The following MEF2B variants were observed in gnomAD, a reference collection of about 807,000 sequenced individuals.
MEF2B encodes the protein myocyte-specific enhancer factor 2B.
A neutral mutation model predicts 32.2 loss-of-function variants in MEF2B; 15 were observed. The observed-to-expected ratio is 0.47, with a 90% CI of 0.31 to 0.72. The LOEUF (loss-of-function observed/expected upper bound fraction) is 0.72. Among genes scored for constraint, MEF2B ranks in the 30% least tolerant of loss-of-function variants. MEF2B has a pLI of 0.05. For missense variants in MEF2B, 441 were observed against 511.5 expected, an observed-to-expected ratio of 0.86 and a Z score of 1.33; for synonymous variants, 205 against 225.6, an observed-to-expected ratio of 0.91 and a Z score of 0.82.
chr19:19,147,842 C>A lies in MEF2B; in HGVS notation c.259-10G>T, dbSNP rs111440826. The A allele has an allele frequency of 8.1e-6, 13 of 1,611,982 alleles. No homozygotes were observed. The highest frequency in any genetic ancestry group is 6.7e-5 in the African/African-American group (5 of 75,054). On this transcript the variant is annotated splice_polypyrimidine_tract_variant and intron_variant, in intron 3 of 8. Transcript: ENST00000424583. ...CCCTCCGCTTCAGCGTCTATGGGGA[C>A]AGGAGACAACAGGGTAGACCCTTAC...
chr19:19,146,797 C>A lies in MEF2B; in HGVS notation c.620G>T (p.Arg207Leu). Residue 207 changes from arginine (R) to leucine (L), a missense_variant, in exon 6 of 9, where the codon CGG (arginine) becomes CTG (leucine). Physicochemically the swap from Arg to Leu is moderately radical, Grantham distance 102 (BLOSUM62 -2). Transcript: ENST00000424583. ...PPPLYLPTEGRRSDLPGGLAG... is the reference protein window; with the variant it reads ...PPPLYLPTEGLRSDLPGGLAG... Reference sequence around the variant, plus strand: ...CAGGCCACCAGGCAGGTCTGACCTCCGCCCTTCCGTCGGCAGGTACAGTGG... The same window carrying A: ...CAGGCCACCAGGCAGGTCTGACCTCAGCCCTTCCGTCGGCAGGTACAGTGG... 1 of 1,614,006 alleles carries A rather than the reference C, an allele frequency of 6.2e-7. No homozygotes were observed. The highest frequency in any genetic ancestry group is 1.7e-4 in the Middle Eastern group (1 of 6,052).
Position 19,150,180 on chromosome 19 carries a change from G to GA in MEF2B, c.54+501dup, listed in dbSNP as rs1239497806. Among the ~76,000 whole-genome samples, 535 of 110,342 alleles carry GA rather than the reference G, an allele frequency of 4.8e-3. 9 individuals are homozygous for GA. The highest frequency in any genetic ancestry group is 0.019 in the African/African-American group (505 of 26,760). 72.4% of individuals were successfully genotyped at this position (110,342 alleles called of 152,430 possible). A position where few individuals can be genotyped will look rare whatever the true frequency, so the allele number is the denominator to read the frequency against. On this transcript the variant is annotated intron_variant, in intron 2 of 8. Coordinates refer to ENST00000424583, the MANE Select transcript of MEF2B (RefSeq NM_001145785.2). The stretch of plus-strand genomic sequence containing the variant: ...GGAGGGAGGGAGGGAAGGAGGGAGG[G>GA]AGGGAAGGAAGGAAGGAAGGAAGGA...
rs539745270 is a variant in MEF2B at position 19,146,587 on chromosome 19, C to G, written c.737G>C (p.Gly246Ala). The change falls in exon 7 of 9, where the codon GGG becomes GCG. Residue 246 changes from glycine to alanine, a missense_variant. Physicochemically the swap from Gly to Ala is moderately conservative, Grantham distance 60. This residue lies in a region of MEF2B where 326 missense variants were observed against 328.4 expected (regional missense o/e 0.99). Transcript: ENST00000424583. ...GCCTCCGGGGAGGAAGGGGAAGCTC[C>G]CCAGTGGGGGTCCGGGAGTTGCAGT... The part of the protein sequence containing the change: ...CSTATPGPPL[G>A]SFPFLPGGPP... 6.3e-7 allele frequency: 1 copy of G among 1,599,676 alleles called. No homozygotes were observed. Among genetic ancestry groups the G allele is most frequent in the African/African-American group, 1.3e-5 (1 of 74,416 alleles).
Position 19,145,749 on chromosome 19 carries a change from C to T in MEF2B, c.*48G>A. On this transcript the variant is annotated 3_prime_UTR_variant, in exon 9 of 9. Coordinates refer to ENST00000424583, the MANE Select transcript of MEF2B (RefSeq NM_001145785.2). This position sits in a 1 kb window ranked among gnomAD's most constrained non-coding sequence, Gnocchi z 4.6. Reference sequence around the variant, plus strand: ...GAGGGAGGTGGGGTCCCCACGTGCCCTCGCCGTACCTGGCGAGCGCTCTGG... The same window carrying T: ...GAGGGAGGTGGGGTCCCCACGTGCCTTCGCCGTACCTGGCGAGCGCTCTGG... The T allele has an allele frequency of 6.4e-7, 1 of 1,557,316 alleles. No homozygotes were observed. Among genetic ancestry groups the T allele is most frequent in the Non-Finnish European group, 8.7e-7 (1 of 1,150,828 alleles).
chr19:19,160,725 G>A (rs939296156), intron 1 of MEF2B, among the ~76,000 whole-genome samples: 11 of 152,078 alleles, frequency 7.2e-5, no homozygotes, highest in Non-Finnish European at 1.0e-4. Flanking sequence ...CCCGCCTCAC[G>A]CAACCCAGGC....
At chr19:19,166,707 C>A (rs34799779) in intron 1 of MEF2B, among the ~76,000 whole-genome samples, 1 of 151,312 alleles carries the variant, frequency 6.6e-6, no homozygotes, top group African/African-American at 2.4e-5. Context: ...CACAGGGAGC[C>A]ATGACTGCAA....
rs1185796330 is a variant in MEF2B, at chr19:19,145,888, T to C, written c.1016A>G (p.Tyr339Cys). ...GPGDFPKTFP[Y>C]PLLLARSLAE... ...CAGGGACCGGGCGAGGAGCAAGGGA[T>C]AGGGGAAGGTCTTAGGAAAGTCGCC... The change falls in exon 9 of 9, where the codon TAT becomes TGT. Residue 339 changes from tyrosine to cysteine, a missense_variant. Tyr to Cys is a radical substitution (Grantham distance 194). Transcript: ENST00000424583. The surrounding 1 kb of genome is among the most constrained non-coding windows in gnomAD (Gnocchi z 4.6). 2 of 1,462,718 alleles carry C rather than the reference T, an allele frequency of 1.4e-6. No individual in the cohort carries two copies. Among genetic ancestry groups the C allele is most frequent in the East Asian group, 5.1e-5 (2 of 39,170 alleles). The allele number at this position is 1,462,718 out of a possible 1,614,324, so 90.6% of individuals were successfully genotyped here. A position where few individuals can be genotyped will look rare whatever the true frequency, so the allele number is the denominator to read the frequency against.
chr19:19,155,344 G>A (rs2060113039), intron 1 of MEF2B, among the ~76,000 whole-genome samples: 1 of 152,104 alleles, frequency 6.6e-6, no homozygotes, highest in Admixed American at 6.6e-5. Context: ...CATTCCTCTA[G>A]GAAGTCCTCC....
At chr19:19,168,697 G>A (rs1294041565) in intron 1 of MEF2B, among the ~76,000 whole-genome samples, 2 of 151,856 alleles carry the variant, frequency 1.3e-5, no homozygotes, top group African/African-American at 4.8e-5. Context: ...CGGATCAAGT[G>A]ATCCTCCTGC....
Position 19,147,023 on chromosome 19 carries a change from G to A in MEF2B, c.541+13C>T. 6.3e-7 allele frequency: 1 copy of A among 1,592,180 alleles called. No individual in the cohort carries two copies. Among genetic ancestry groups the A allele is most frequent in the Non-Finnish European group, 8.5e-7 (1 of 1,170,098 alleles). The stretch of plus-strand genomic sequence containing the variant: ...CTCAGGACCTCACCCCTGCCCCACT[G>A]TCCCATGCTCACCTGGGGGCCCGGC... On this transcript the variant is annotated intron_variant, in intron 5 of 8. Coordinates refer to ENST00000424583, the MANE Select transcript of MEF2B (RefSeq NM_001145785.2).
rs902157315 is a variant in MEF2B, at chr19:19,145,753, C to T, written c.*44G>A. ...GAGGTGGGGTCCCCACGTGCCCTCG[C>T]CGTACCTGGCGAGCGCTCTGGGCTG... On this transcript the variant is annotated 3_prime_UTR_variant, in exon 9 of 9. Coordinates refer to ENST00000424583, the MANE Select transcript of MEF2B (RefSeq NM_001145785.2). This position sits in a 1 kb window ranked among gnomAD's most constrained non-coding sequence, Gnocchi z 4.6. 3.3e-5 allele frequency: 51 copies of T among 1,556,910 alleles called. No individual in the cohort carries two copies. The highest frequency in any genetic ancestry group is 3.7e-5 in the Non-Finnish European group (43 of 1,150,676).
intron 1 of MEF2B, among the ~76,000 whole-genome samples, chr19:19,159,962 C>T (rs886449367): frequency 6.7e-5 from 10 of 149,544 alleles, no homozygotes; most frequent in African/African-American, 2.5e-4. Context: ...CAGGGGTCTA[C>T]TGAACTTTTT....
chr19:19,148,953 C>A (rs1221672175), intron 3 of MEF2B, among the ~76,000 whole-genome samples: 1 of 151,942 alleles, frequency 6.6e-6, no homozygotes, highest in Non-Finnish European at 1.5e-5. Flanking sequence ...CTCAAGTGAT[C>A]TGCCCACTTC....
chr19:19,167,825 C>T (rs1206225427), intron 1 of MEF2B, among the ~76,000 whole-genome samples: 1 of 152,172 alleles, frequency 6.6e-6, no homozygotes, highest in Non-Finnish European at 1.5e-5. Context: ...GGAAGCTGGG[C>T]CTCGTGACCC....
intron 1 of MEF2B, among the ~76,000 whole-genome samples, chr19:19,166,753 A>C (rs1191905836): frequency 6.6e-6 from 1 of 151,492 alleles, no homozygotes; most frequent in African/African-American, 2.4e-5. Flanking sequence ...CTGTCTCTAG[A>C]CCACTCTGTG....
chr19:19,169,596 A>G (rs1401878801), intron 1 of MEF2B, among the ~76,000 whole-genome samples: 1 of 152,154 alleles, frequency 6.6e-6, no homozygotes, highest in African/African-American at 2.4e-5. Context: ...CAAAAGAGAT[A>G]GGGAGGGAGG....
chr19:19,168,988 G>A (rs552064693), intron 1 of MEF2B, among the ~76,000 whole-genome samples: 12 of 152,170 alleles, frequency 7.9e-5, no homozygotes, highest in Admixed American at 2.6e-4. Context: ...GGAGGCAGAG[G>A]TTGCAGTGAG....
chr19:19,150,842 T>C, intron 1 of MEF2B, 78 bp from the exon 2 acceptor site: 1 of 1,520,646 alleles, frequency 6.6e-7, no homozygotes, highest in Non-Finnish European at 9.0e-7. Flanking sequence ...ACCTCTCCTC[T>C]GTCTGCCCCT....
At chr19:19,167,374 TA>T (rs779784120) in intron 1 of MEF2B, among the ~76,000 whole-genome samples, 1 of 92,356 alleles carries the variant, frequency 1.1e-5, no homozygotes, top group African/African-American at 3.6e-5. Flanking sequence ...AAAAAAAAAT[TA>T]GCTGGGTGTG....
Sources: allele counts gnomAD v4.1 joint callset (sites outside exome capture counted in the v4.1 genomes callset), GRCh38; gene constraint gnomAD v4.1.1; regional missense constraint gnomAD v4.1.1; non-coding constraint Gnocchi (gnomAD v3.1); transcripts MANE v1.5; gene names NCBI Gene and HGNC (gene_info 2026-07-23, HGNC 2026-07-21).